ATP11A: variants seen among roughly 807,000 people sequenced by gnomAD.
The protein encoded by ATP11A is phospholipid-transporting ATPase IH.
ATP11A carries 81 observed loss-of-function variants against 154.4 expected under a neutral mutation model. That is an observed-to-expected ratio of 0.52 (90% confidence interval 0.44 to 0.63). ATP11A has a LOEUF of 0.63. Ranked by LOEUF, ATP11A falls within the 30% of genes least tolerant of loss-of-function variation. ATP11A has a pLI of 0.00. For missense variants in ATP11A, 1,316 were observed against 1,474.3 expected (o/e 0.89, Z 1.76); for synonymous variants, 623 against 585.9 (o/e 1.06, Z -0.91).
intron 1 of ATP11A, among the ~76,000 whole-genome samples, chr13:112,705,367 T>A (rs1887020056): frequency 6.6e-6 from 1 of 152,224 alleles, no homozygotes; most frequent in African/African-American, 2.4e-5. Context: ...TGTGATGTCC[T>A]CAGCACGCGG....
In ATP11A at chr13:112,838,994, C is replaced by G. The variant is rs1023439259; in HGVS notation, c.1705+2743C>G. On this transcript the variant is annotated intron_variant, in intron 16 of 29. Coordinates refer to ENST00000375645, the MANE Select transcript of ATP11A (RefSeq NM_015205.3). This position sits in a 1 kb window ranked among gnomAD's most constrained non-coding sequence, Gnocchi z 7.3. ...GGGGTTGCGGCTGTCAGAGCCGGATCTCACTGTTTTGGGGCTGAGCAGCCC... is the reference window on the plus strand; with the variant it reads ...GGGGTTGCGGCTGTCAGAGCCGGATGTCACTGTTTTGGGGCTGAGCAGCCC... Among the ~76,000 whole-genome samples the G allele has an allele frequency of 6.6e-6, 1 of 152,162 alleles. No individual in the cohort carries two copies. Among genetic ancestry groups the G allele is most frequent in the East Asian group, 1.9e-4 (1 of 5,158 alleles).
In ATP11A at chr13:112,854,407, A is replaced by G; in HGVS notation, c.2120A>G (p.Asn707Ser). Residue 707 changes from asparagine (N) to serine (S), a missense_variant, in exon 19 of 30, where the codon AAC becomes AGC. Physicochemically the swap from Asn to Ser is conservative, Grantham distance 46. Coordinates refer to ENST00000375645, the MANE Select transcript of ATP11A (RefSeq NM_015205.3). ...TACGCCTGCAAGCTCTTCCGCAGGA[A>G]CACGCAGCTGCTGGAGCTGACCACC... ...TCYACKLFRR[N>S]TQLLELTTKR... is the part of the protein sequence containing the mutation. 6.2e-7 allele frequency: 1 copy of G among 1,613,788 alleles called. No individual in the cohort carries two copies. The highest frequency in any genetic ancestry group is 8.5e-7 in the Non-Finnish European group (1 of 1,180,026).
chr13:112,754,040 G>A lies in ATP11A; in HGVS notation c.40-31095G>A, dbSNP rs996248820. 5.9e-5 allele frequency among the ~76,000 whole-genome samples: 9 copies of A among 152,226 alleles called. No individual in the cohort carries two copies. Among genetic ancestry groups the A allele is most frequent in the Non-Finnish European group, 8.8e-5 (6 of 68,048 alleles). ...ACCTTGACCAGGCAGCATCCAGGGC[G>A]TCGCTGTCTCACCGTGGTCCCCAGT... On this transcript the variant is annotated intron_variant, in intron 1 of 29. Coordinates refer to ENST00000375645, the MANE Select transcript of ATP11A (RefSeq NM_015205.3). The surrounding 1 kb of genome is among the most constrained non-coding windows in gnomAD (Gnocchi z 5.3).
chr13:112,816,196 A>G lies in ATP11A; in HGVS notation c.555A>G (p.Gly185=), dbSNP rs750572978. 6.2e-7 allele frequency: 1 copy of G among 1,614,002 alleles called. No homozygotes were observed. The highest frequency in any genetic ancestry group is 1.3e-5 in the African/African-American group (1 of 74,900). Residue 185 remains glycine (G), a synonymous_variant, in exon 6 of 30, where the codon GGA becomes GGG. Coordinates refer to ENST00000375645, the MANE Select transcript of ATP11A (RefSeq NM_015205.3). The part of the protein sequence containing the change: ...TCHVTTASLD[G]ESSHKTHYAV... ...ACGTCACCACCGCCAGCTTGGATGG[A>G]GAATCCAGCCATAAAGTAAGGGGCC...
intron 25 of ATP11A, among the ~76,000 whole-genome samples, chr13:112,862,853 G>C (rs541149451): frequency 3.5e-5 from 5 of 143,316 alleles, no homozygotes; most frequent in Non-Finnish European, 7.5e-5. Flanking sequence ...TCCCAGCGGG[G>C]TCCATCACCA....
intron 29 of ATP11A, among the ~76,000 whole-genome samples, chr13:112,878,874 C>T (rs1174533864): frequency 6.6e-5 from 10 of 152,238 alleles, no homozygotes; most frequent in Admixed American, 4.6e-4. Flanking sequence ...AAAGAGGGGA[C>T]GGAAGTGTTT....
At chr13:112,720,243 A>G (rs1222158233) in intron 1 of ATP11A, among the ~76,000 whole-genome samples, 1 of 152,236 alleles carries the variant, frequency 6.6e-6, no homozygotes, top group Non-Finnish European at 1.5e-5. Flanking sequence ...AAATCGGTAC[A>G]TGGAAGGTAT....
chr13:112,761,789 C>G (rs908446751), intron 1 of ATP11A, among the ~76,000 whole-genome samples: 2 of 152,240 alleles, frequency 1.3e-5, no homozygotes, highest in Non-Finnish European at 2.9e-5. Context: ...TAGTCTGTCA[C>G]TTGTCAGCCG....
At chr13:112,874,998 C>G (rs529901684) in intron 27 of ATP11A, among the ~76,000 whole-genome samples, 15 of 152,300 alleles carry the variant, frequency 9.8e-5, no homozygotes, top group African/African-American at 3.6e-4. Context: ...GTGCTGGGAG[C>G]TCACCATGTC....
intron 16 of ATP11A, among the ~76,000 whole-genome samples, chr13:112,837,678 G>A (rs1273518207): frequency 2.2e-5 from 2 of 90,742 alleles, no homozygotes; most frequent in African/African-American, 8.0e-5. Context: ...GCCACTCCCC[G>A]GAACCAGACA....
At chr13:112,756,167 T>C (rs2076826356) in intron 1 of ATP11A, among the ~76,000 whole-genome samples, 1 of 148,098 alleles carries the variant, frequency 6.8e-6, no homozygotes, top group South Asian at 2.1e-4. Flanking sequence ...CTTACAACAT[T>C]AAACTACAAA....
chr13:112,821,485 T>G (rs1282083902), intron 8 of ATP11A, among the ~76,000 whole-genome samples: 1 of 152,114 alleles, frequency 6.6e-6, no homozygotes, highest in Admixed American at 6.5e-5. Flanking sequence ...AGCTAATTTT[T>G]GTATTTATAG....
chr13:112,733,916 TTC>T (rs1890736916), intron 1 of ATP11A, among the ~76,000 whole-genome samples: 1 of 152,228 alleles, frequency 6.6e-6, no homozygotes, highest in Non-Finnish European at 1.5e-5. Context: ...TTAGCAGTGG[TTC>T]TCTCTTTCCT....
At chr13:112,773,040 CA>C (rs138051891) in intron 1 of ATP11A, among the ~76,000 whole-genome samples, 319 of 152,280 alleles carry the variant, frequency 2.1e-3, no homozygotes, top group African/African-American at 6.5e-3. Flanking sequence ...AGGCCTGGTC[CA>C]TGGTGATCTC....
At chr13:112,878,196 G>A (rs2080786792) in intron 28 of ATP11A, 21 bp from the exon 29 acceptor site, 1 of 1,612,252 alleles carries the variant, frequency 6.2e-7, no homozygotes, top group African/African-American at 1.3e-5. Flanking sequence ...TGTGTGCGTG[G>A]CCGCTGACCT....
intron 20 of ATP11A, chr13:112,856,830 TCA>T (rs921870432): frequency 6.6e-6 from 1 of 152,234 alleles, no homozygotes; most frequent in African/African-American, 2.4e-5. Flanking sequence ...AAAATGCGTC[TCA>T]CACAAACTCT....
At chr13:112,809,106 C>A in intron 4 of ATP11A, among the ~76,000 whole-genome samples, 1 of 152,200 alleles carries the variant, frequency 6.6e-6, no homozygotes, top group Middle Eastern at 3.2e-3. Context: ...CGTCTGTGGG[C>A]CCCTGGTGCC....
chr13:112,725,715 C>A (rs888810828), intron 1 of ATP11A, among the ~76,000 whole-genome samples: 2 of 152,272 alleles, frequency 1.3e-5, no homozygotes, highest in African/African-American at 4.8e-5. Flanking sequence ...AAGTCCCCAT[C>A]CCTGGAGTTC....
intron 1 of ATP11A, among the ~76,000 whole-genome samples, chr13:112,767,734 A>G (rs1479814865): frequency 6.6e-6 from 1 of 152,160 alleles, no homozygotes; most frequent in Admixed American, 6.5e-5. Flanking sequence ...GGCCAATGAT[A>G]TCAGTAGCCA....
Sources: gnomAD v4.1 joint callset for allele counts (sites outside exome capture counted in the v4.1 genomes callset) on GRCh38, gnomAD v4.1.1 for gene constraint, Gnocchi (gnomAD v3.1) non-coding constraint, MANE v1.5 for transcripts, NCBI Gene and HGNC (gene_info 2026-07-23, HGNC 2026-07-21) for gene names.